GABBR2: variants seen among roughly 807,000 people sequenced by gnomAD.
GABBR2 encodes gamma-aminobutyric acid type B receptor subunit 2.
A neutral mutation model predicts 105.6 loss-of-function variants in GABBR2; 23 were observed. That is an observed-to-expected ratio of 0.22 (90% CI 0.16 to 0.31). GABBR2 has a LOEUF of 0.31. Ranked by LOEUF, GABBR2 falls within the 10% of genes least tolerant of loss-of-function variation. The pLI is 1.00. For synonymous variants in GABBR2, 478 were observed against 499.7 expected (o/e 0.96, Z 0.58); for missense variants, 734 against 1,245.5 (o/e 0.59, Z 6.18).
At chr9:98,704,273 G>GA (rs915061485) in intron 1 of GABBR2, among the ~76,000 whole-genome samples, 9 of 152,156 alleles carry the variant, frequency 5.9e-5, no homozygotes, top group African/African-American at 2.2e-4. Flanking sequence ...AGCCACTCAA[G>GA]AAAAAAGACA....
At chr9:98,396,088 C>T (rs1392103406) in intron 8 of GABBR2, among the ~76,000 whole-genome samples, 1 of 152,186 alleles carries the variant, frequency 6.6e-6, no homozygotes, top group Non-Finnish European at 1.5e-5. Flanking sequence ...TTTCCATAGC[C>T]CATGCTCTTC....
chr9:98,355,921 C>T (rs943031174), intron 13 of GABBR2, among the ~76,000 whole-genome samples: 3 of 152,196 alleles, frequency 2.0e-5, no homozygotes, highest in African/African-American at 7.2e-5. Flanking sequence ...ACACAGTCAA[C>T]TGATCTATCA....
intron 5 of GABBR2, among the ~76,000 whole-genome samples, chr9:98,474,406 G>A (rs978409572): frequency 6.6e-6 from 1 of 152,080 alleles, no homozygotes; most frequent in South Asian, 2.1e-4. Context: ...CCAGTTTGTA[G>A]GACTGTCAGG....
At chr9:98,676,880 G>C (rs1280080816) in intron 1 of GABBR2, among the ~76,000 whole-genome samples, 1 of 152,184 alleles carries the variant, frequency 6.6e-6, no homozygotes, top group African/African-American at 2.4e-5. Flanking sequence ...TCCCAATTTA[G>C]CTGGACAAAC....
intron 15 of GABBR2, among the ~76,000 whole-genome samples, chr9:98,305,730 G>A (rs920246487): frequency 6.6e-6 from 1 of 151,814 alleles, no homozygotes; most frequent in Admixed American, 6.6e-5. Flanking sequence ...CAGGAGAATT[G>A]CTCGATTCCG....
chr9:98,559,700 A>G (rs1012894602), intron 2 of GABBR2, among the ~76,000 whole-genome samples: 3 of 152,216 alleles, frequency 2.0e-5, no homozygotes, highest in Admixed American at 6.5e-5. Flanking sequence ...CTAGGAATTC[A>G]TACCCAGTTT....
intron 7 of GABBR2, among the ~76,000 whole-genome samples, chr9:98,422,601 A>T (rs944625968): frequency 6.6e-6 from 1 of 151,970 alleles, no homozygotes; most frequent in Non-Finnish European, 1.5e-5. Flanking sequence ...AAGGATAGAT[A>T]TTAAAAGCAC....
intron 1 of GABBR2, among the ~76,000 whole-genome samples, chr9:98,667,412 A>C (rs1930138): frequency 0.93 from 141,154 of 152,132 alleles, 65,608 homozygotes; most frequent in Middle Eastern, 0.97. Context: ...GGGCACCGCT[A>C]CCCCAGCTGC....
At chr9:98,419,237 CT>C (rs1314536751) in intron 7 of GABBR2, among the ~76,000 whole-genome samples, 3 of 152,204 alleles carry the variant, frequency 2.0e-5, no homozygotes. Flanking sequence ...GATTTGGTGA[CT>C]CAGAAAGGGT....
chr9:98,497,339 C>T (rs1489795845), intron 3 of GABBR2, among the ~76,000 whole-genome samples: 2 of 152,048 alleles, frequency 1.3e-5, no homozygotes, highest in African/African-American at 4.8e-5. Flanking sequence ...GGTTACCAGA[C>T]CTTCTGATTT....
At chr9:98,496,991 C>A (rs1332747011) in intron 3 of GABBR2, among the ~76,000 whole-genome samples, 3 of 152,218 alleles carry the variant, frequency 2.0e-5, no homozygotes, top group African/African-American at 7.2e-5. Flanking sequence ...TTACACGTAA[C>A]TATGTGTCTA....
chr9:98,449,572 C>T (rs1351166453), intron 7 of GABBR2, among the ~76,000 whole-genome samples: 1 of 152,158 alleles, frequency 6.6e-6, no homozygotes, highest in African/African-American at 2.4e-5. Flanking sequence ...GGGGTGGGGC[C>T]AGGGAACCTG....
In GABBR2 at chr9:98,388,938, T is replaced by C; in HGVS notation, c.1445A>G (p.Tyr482Cys). The C allele has an allele frequency of 6.2e-7, 1 of 1,613,400 alleles. No homozygotes were observed. Among genetic ancestry groups the C allele is most frequent in the Non-Finnish European group, 8.5e-7 (1 of 1,179,478 alleles). ...EQLRKISLPL[Y>C]SILSALTILG... is the part of the protein sequence containing the mutation. ...GATGGTGAGGGCAGAGAGGATGCTG[T>C]AGAGAGGTAGGGAGATCTTCCGCAG... Residue 482 changes from tyrosine (Y) to cysteine (C), a missense_variant, in exon 10 of 19, where the codon TAC becomes TGC. Tyr to Cys is a radical substitution (Grantham distance 194, BLOSUM62 -2). Transcript: ENST00000259455. This position sits in a 1 kb window ranked among gnomAD's most constrained non-coding sequence, Gnocchi z 4.4.
chr9:98,620,603 A>G (rs923925645), intron 1 of GABBR2, among the ~76,000 whole-genome samples: 4 of 152,080 alleles, frequency 2.6e-5, no homozygotes, highest in African/African-American at 9.7e-5. Flanking sequence ...ACAAAAGAAT[A>G]GCTGATAACT....
At chr9:98,339,081 A>G (rs1831164199) in intron 13 of GABBR2, among the ~76,000 whole-genome samples, 1 of 152,170 alleles carries the variant, frequency 6.6e-6, no homozygotes, top group African/African-American at 2.4e-5. Context: ...CAAATCCATA[A>G]AGGCTGAAAA....
intron 7 of GABBR2, among the ~76,000 whole-genome samples, chr9:98,444,448 C>T (rs1826085526): frequency 6.6e-6 from 1 of 152,044 alleles, no homozygotes; most frequent in African/African-American, 2.4e-5. Flanking sequence ...GGGAATTGTA[C>T]GTCCCCACCA....
Position 98,466,911 on chromosome 9 carries a change from C to A in GABBR2, c.999+6235G>T, listed in dbSNP as rs1588176604. ...TCCAGGGTCCTATCTTTATGCTCCA[C>A]AATCCTAGAATGATGCTTCCTTGTC... On this transcript the variant is annotated intron_variant, in intron 6 of 18. Transcript: ENST00000259455. Among the ~76,000 whole-genome samples, 6 of 152,342 alleles carry A rather than the reference C, an allele frequency of 3.9e-5. 2 individuals carry two copies. The highest frequency in any genetic ancestry group is 3.9e-4 in the Admixed American group (6 of 15,304).
At chr9:98,655,365 G>A (rs1830165092) in intron 1 of GABBR2, among the ~76,000 whole-genome samples, 2 of 151,940 alleles carry the variant, frequency 1.3e-5, no homozygotes, top group African/African-American at 4.8e-5. Context: ...ATTTTTCTGT[G>A]AATCTAAAAT....
rs1158239322 is a variant in GABBR2, at chr9:98,436,348, CATATATATATATATATATATATATATAT to C, written c.1236+17605_1236+17632del. Among the ~76,000 whole-genome samples, 21 of 7,602 alleles carry C rather than the reference CATATATATATATATATATATATATATAT, an allele frequency of 2.8e-3. 1 individual carries two copies. Among genetic ancestry groups the C allele is most frequent in the Non-Finnish European group, 3.9e-3 (14 of 3,594 alleles). The allele number at this position is 7,602 out of a possible 152,430, so 5.0% of individuals were successfully genotyped here. A position where few individuals can be genotyped will look rare whatever the true frequency, so the allele number is the denominator to read the frequency against. ...TATATATATACACACACACACACACCATATATATATATATATATATATATATATATATATATATATATATATATATATA... is the reference window on the plus strand; with the variant it reads ...TATATATATACACACACACACACACCATATATATATATATATATATATATA... On this transcript the variant is annotated intron_variant, in intron 7 of 18. Transcript: ENST00000259455.
Sources: gnomAD v4.1 joint callset for allele counts (sites outside exome capture counted in the v4.1 genomes callset) on GRCh38, gnomAD v4.1.1 for gene constraint, Gnocchi (gnomAD v3.1) non-coding constraint, MANE v1.5 for transcripts, NCBI Gene and HGNC (gene_info 2026-07-23, HGNC 2026-07-21) for gene names.